WDPCP: variants seen among roughly 807,000 people sequenced by gnomAD.
The protein encoded by WDPCP is WD repeat containing planar cell polarity effector.
Under a neutral mutation model 93.1 loss-of-function variants are expected in WDPCP, and 71 were observed. The ratio of observed to expected loss-of-function variants is 0.76; its 90% CI spans 0.63 to 0.93. The LOEUF is 0.93. WDPCP is among the 40% of genes least tolerant of loss of function. The pLI, the probability that WDPCP is intolerant of heterozygous loss-of-function variation, is 0.00. For synonymous variants in WDPCP, 315 were observed against 315.0 expected (o/e 1.00, Z 0.00); for missense variants, 844 against 887.4 (o/e 0.95, Z 0.62).
chr2:63,752,426 G>A, intron 2 of WDPCP: 1 of 763,680 alleles, frequency 1.3e-6, no homozygotes. Flanking sequence ...TGCATTCGTG[G>A]CTGCATCCAC....
intron 2 of WDPCP, among the ~76,000 whole-genome samples, chr2:63,703,194 G>A (rs1669089615): frequency 6.6e-6 from 1 of 152,158 alleles, no homozygotes; most frequent in Admixed American, 6.5e-5. Context: ...GTGTGCATGT[G>A]TCTTTATAGC....
intron 14 of WDPCP, among the ~76,000 whole-genome samples, chr2:63,204,704 T>C (rs1048805086): frequency 1.3e-4 from 20 of 152,274 alleles, no homozygotes; most frequent in African/African-American, 4.8e-4. Context: ...TATTACATGT[T>C]TTTTTTCATA....
intron 14 of WDPCP, among the ~76,000 whole-genome samples, chr2:63,250,696 T>C (rs1425292997): frequency 6.6e-6 from 1 of 152,172 alleles, no homozygotes; most frequent in Non-Finnish European, 1.5e-5. Context: ...TTGGAAATGT[T>C]AAGATAAACA....
At chr2:63,277,474 A>T (rs1683177991) in intron 13 of WDPCP, among the ~76,000 whole-genome samples, 1 of 152,356 alleles carries the variant, frequency 6.6e-6, no homozygotes, top group Non-Finnish European at 1.5e-5. Context: ...ATGCATAAGA[A>T]TTCACCAACC....
chr2:63,719,766 T>C (rs1669389373), intron 2 of WDPCP, among the ~76,000 whole-genome samples: 1 of 152,150 alleles, frequency 6.6e-6, no homozygotes, highest in African/African-American at 2.4e-5. Flanking sequence ...GCTTATAATT[T>C]ATAAAAGTTT....
chr2:63,694,531 G>A (rs918289639), intron 2 of WDPCP, among the ~76,000 whole-genome samples: 2 of 152,020 alleles, frequency 1.3e-5, no homozygotes, highest in Non-Finnish European at 2.9e-5. Flanking sequence ...CACAATTTAG[G>A]AGCCTTTTCA....
At chr2:63,394,981 C>G (rs1558569043) in intron 10 of WDPCP, among the ~76,000 whole-genome samples, 1 of 151,928 alleles carries the variant, frequency 6.6e-6, no homozygotes, top group Non-Finnish European at 1.5e-5. Context: ...ACACCAAACC[C>G]CCAAGACACG....
intron 14 of WDPCP, among the ~76,000 whole-genome samples, chr2:63,215,925 A>C (rs924705899): frequency 2.0e-5 from 3 of 152,264 alleles, no homozygotes; most frequent in Non-Finnish European, 4.4e-5. Context: ...TCAAAAGAAG[A>C]CATTTATGCA....
intron 12 of WDPCP, among the ~76,000 whole-genome samples, chr2:63,342,169 T>TG (rs1165348292): frequency 6.6e-6 from 1 of 152,180 alleles, no homozygotes; most frequent in Non-Finnish European, 1.5e-5. Context: ...ATGCTGCCAC[T>TG]GATCTGACTG....
chr2:63,615,356 A>G (rs1453928809), intron 3 of WDPCP, among the ~76,000 whole-genome samples: 1 of 152,190 alleles, frequency 6.6e-6, no homozygotes, highest in Non-Finnish European at 1.5e-5. Flanking sequence ...GGGGCCAGGC[A>G]TGTCCACCGT....
chr2:63,139,975 G>C (rs1670934927), intron 17 of WDPCP, among the ~76,000 whole-genome samples: 1 of 152,152 alleles, frequency 6.6e-6, no homozygotes, highest in African/African-American at 2.4e-5. Flanking sequence ...AATCCATCTT[G>C]AGTTGATTTT....
At chr2:63,273,368 T>A (rs1607204) in intron 13 of WDPCP, among the ~76,000 whole-genome samples, 122,652 of 151,188 alleles carry the variant, frequency 0.81, 50,503 homozygotes, top group East Asian at 0.96. Flanking sequence ...TACTACAGAA[T>A]CCCAGCAAAC....
chr2:63,268,538 C>T (rs1030022512), intron 13 of WDPCP, among the ~76,000 whole-genome samples: 2 of 152,194 alleles, frequency 1.3e-5, no homozygotes, highest in African/African-American at 2.4e-5. Context: ...ACAACCATGG[C>T]TCATTGCAAC....
intron 1 of WDPCP, among the ~76,000 whole-genome samples, chr2:63,558,487 C>A (rs1307748800): frequency 1.3e-5 from 2 of 150,944 alleles, no homozygotes; most frequent in African/African-American, 4.9e-5. Context: ...TGAGACCGCA[C>A]CACTGCACTC....
In WDPCP at chr2:63,404,106, A is replaced by T; in HGVS notation, c.1377T>A (p.Tyr459Ter). The change falls in exon 10 of 18, where the codon TAT becomes TAA. Residue 459 changes from tyrosine (Y) to a stop codon, truncating the protein, a stop_gained. Transcript: ENST00000272321. LOFTEE classifies it high-confidence loss of function. ...VSQKGEGSDI[Y>*]DLLFLRFERG... The stretch of plus-strand genomic sequence containing the variant: ...TTTCAAACCTGAGGAAGAGGAGATC[A>T]TAGATATCACTACCTTCACCCTTCT... The T allele has an allele frequency of 6.2e-7, 1 of 1,614,144 alleles. No homozygotes were observed. The highest frequency in any genetic ancestry group is 8.5e-7 in the Non-Finnish European group (1 of 1,179,998).
chr2:63,836,528 TTTC>T, the WDPCP span, among the ~76,000 whole-genome samples: 1 of 152,182 alleles, frequency 6.6e-6, no homozygotes, highest in African/African-American at 2.4e-5. Context: ...TAAAAGATGG[TTTC>T]TTATTAGTTT....
chr2:63,800,808 T>C (rs1670683527), intron 2 of WDPCP, among the ~76,000 whole-genome samples: 3 of 152,136 alleles, frequency 2.0e-5, no homozygotes. Flanking sequence ...ATCCAAGCAC[T>C]TTGGGAGGGC....
At chr2:63,535,285 C>A (rs2106266509) in intron 1 of WDPCP, among the ~76,000 whole-genome samples, 1 of 152,292 alleles carries the variant, frequency 6.6e-6, no homozygotes, top group East Asian at 1.9e-4. Flanking sequence ...GGCCATACTG[C>A]CCAAGGTAAT....
At chr2:63,643,936 C>T (rs1710014688) in intron 3 of WDPCP, 1 of 498,576 alleles carries the variant, frequency 2.0e-6, no homozygotes, top group Non-Finnish European at 4.1e-6. Context: ...ACTTTCTCAA[C>T]TTGTGGGAAC....
Sources: gnomAD v4.1 joint callset for allele counts (sites outside exome capture counted in the v4.1 genomes callset) on GRCh38, gnomAD v4.1.1 for gene constraint, MANE v1.5 for transcripts, NCBI Gene and HGNC (gene_info 2026-07-23, HGNC 2026-07-21) for gene names.